The following CALD1 variants were observed in gnomAD, a reference collection of about 807,000 sequenced individuals.
CALD1 encodes caldesmon 1.
A neutral mutation model predicts 99.9 loss-of-function variants in CALD1; 33 were observed. The observed-to-expected ratio is 0.33, with a 90% confidence interval of 0.25 to 0.44. The LOEUF is 0.44. Among genes scored for constraint, CALD1 ranks in the 20% least tolerant of loss-of-function variants. The pLI, the probability that CALD1 is intolerant of heterozygous loss-of-function variation, is 1.00. For missense variants in CALD1, 861 were observed against 962.1 expected, an observed-to-expected ratio of 0.89 and a Z score of 1.39; for synonymous variants, 310 against 325.0, an observed-to-expected ratio of 0.95 and a Z score of 0.50.
chr7:134,775,653 G>A (rs113029616), upstream of CALD1, among the ~76,000 whole-genome samples: 5,775 of 151,664 alleles, frequency 0.038, 341 homozygotes, highest in African/African-American at 0.12. Context: ...GGAGCTTGCA[G>A]TGAGCTGAGA....
intron 3 of CALD1, among the ~76,000 whole-genome samples, chr7:134,916,895 G>A (rs1184483924): frequency 1.3e-5 from 2 of 152,192 alleles, no homozygotes; most frequent in Non-Finnish European, 2.9e-5. Context: ...TCTAAAAGGA[G>A]TTCATATTTT....
At chr7:134,879,576 A>T (rs1801502302) in intron 3 of CALD1, among the ~76,000 whole-genome samples, 1 of 152,336 alleles carries the variant, frequency 6.6e-6, no homozygotes, top group African/African-American at 2.4e-5. Flanking sequence ...ACTTTTTTTT[A>T]AACCTTTTAA....
intron 2 of CALD1, among the ~76,000 whole-genome samples, chr7:134,844,679 G>T: frequency 6.6e-6 from 1 of 152,192 alleles, no homozygotes; most frequent in East Asian, 1.9e-4. Context: ...AAACAACAGA[G>T]ATTTCTTTTC....
At chr7:134,946,222 G>T (rs1463964011) in intron 7 of CALD1, among the ~76,000 whole-genome samples, 1 of 151,938 alleles carries the variant, frequency 6.6e-6, no homozygotes, top group Non-Finnish European at 1.5e-5. Context: ...ATATCATACT[G>T]ATATAATACA....
At chr7:134,938,998 G>A (rs1482558483) in intron 6 of CALD1, among the ~76,000 whole-genome samples, 1 of 152,208 alleles carries the variant, frequency 6.6e-6, no homozygotes, top group East Asian at 1.9e-4. Flanking sequence ...CAGACCGTGA[G>A]CTCCTACTCG....
At chr7:134,873,383 C>T in intron 3 of CALD1, among the ~76,000 whole-genome samples, 1 of 152,272 alleles carries the variant, frequency 6.6e-6, no homozygotes, top group East Asian at 1.9e-4. Context: ...TGTCTCTTCC[C>T]ATCTGCACTC....
chr7:134,788,026 C>T (rs528887754), intron 1 of CALD1, among the ~76,000 whole-genome samples: 2 of 152,282 alleles, frequency 1.3e-5, no homozygotes, highest in South Asian at 2.1e-4. Flanking sequence ...ACACTGTCCC[C>T]ACTTTCTCTG....
At position 134,953,935 on chromosome 7, in the gene CALD1, G is replaced by T. The variant is rs1807572200; in HGVS notation, c.1935+3421G>T. 2.0e-5 allele frequency among the ~76,000 whole-genome samples: 3 copies of T among 152,264 alleles called. No homozygotes were observed. The South Asian group carries it at 6.2e-4, about 32-fold the overall frequency. On this transcript the variant is annotated intron_variant, in intron 9 of 14. Transcript: ENST00000361675. Reference sequence around the variant, plus strand: ...AGAGACACATATTCAGGGGCAGACAGTCTATGCTTCCCTCCATGTATGTGC... The same window carrying T: ...AGAGACACATATTCAGGGGCAGACATTCTATGCTTCCCTCCATGTATGTGC...
chr7:134,714,793 G>A, the CALD1 span, among the ~76,000 whole-genome samples: 1 of 152,156 alleles, frequency 6.6e-6, no homozygotes, highest in Admixed American at 6.5e-5. Context: ...GGTGGAAAGG[G>A]GTGATAACTT....
In CALD1 at chr7:134,806,309, C is replaced by CAT. The variant is rs551682109; in HGVS notation, c.-130+26560_-130+26561insAT. Among the ~76,000 whole-genome samples, 561 of 152,290 alleles carry CAT rather than the reference C, an allele frequency of 3.7e-3. 1 individual carries two copies. The highest frequency in any genetic ancestry group is 0.014 in the Middle Eastern group (4 of 294). Reference sequence around the variant, plus strand: ...CCCACAAAAAGGGGTTTTTCTCCCCCCAGCCCACGGTTTAGCTTCCTCATT... The same window carrying CAT: ...CCCACAAAAAGGGGTTTTTCTCCCCCATCAGCCCACGGTTTAGCTTCCTCATT... On this transcript the variant is annotated intron_variant, in intron 1 of 14. Coordinates refer to ENST00000361675, the MANE Select transcript of CALD1 (RefSeq NM_033138.4).
At chr7:134,966,131 C>A (rs535693466) in intron 14 of CALD1, among the ~76,000 whole-genome samples, 33 of 152,224 alleles carry the variant, frequency 2.2e-4, no homozygotes, top group African/African-American at 7.9e-4. Context: ...TGGAGACCAA[C>A]AATAAGCAAG....
intron 3 of CALD1, among the ~76,000 whole-genome samples, chr7:134,922,617 G>A (rs1414207205): frequency 6.6e-6 from 1 of 152,154 alleles, no homozygotes; most frequent in Non-Finnish European, 1.5e-5. Context: ...GGGACACTGG[G>A]GCAAGAGGAA....
At chr7:134,776,231 T>G (rs1037238517), upstream of CALD1, among the ~76,000 whole-genome samples, 3 of 152,142 alleles carry the variant, frequency 2.0e-5, no homozygotes, top group Non-Finnish European at 4.4e-5. Context: ...GCTCTTAACA[T>G]TTTATCATTA....
intron 3 of CALD1, among the ~76,000 whole-genome samples, chr7:134,885,125 G>T (rs1209962908): frequency 6.6e-6 from 1 of 151,960 alleles, no homozygotes; most frequent in Non-Finnish European, 1.5e-5. Context: ...CAGAGACGGG[G>T]TTTCACTATG....
the CALD1 span, among the ~76,000 whole-genome samples, chr7:134,720,254 G>A: frequency 2.7e-3 from 406 of 151,288 alleles, 1 homozygote; most frequent in Non-Finnish European, 3.4e-3. Context: ...CTTCTTCAAG[G>A]AGCTGGGAAA....
At chr7:134,725,810 G>A in the CALD1 span, among the ~76,000 whole-genome samples, 2 of 152,288 alleles carry the variant, frequency 1.3e-5, no homozygotes, top group Admixed American at 6.5e-5. Context: ...TCATAAGAGT[G>A]AGGCAGGAGG....
intron 1 of CALD1, among the ~76,000 whole-genome samples, chr7:134,829,269 G>A (rs1206008897): frequency 6.6e-6 from 1 of 152,210 alleles, no homozygotes; most frequent in Non-Finnish European, 1.5e-5. Context: ...AGAGAATGAC[G>A]TGGAAGTAAC....
chr7:134,807,593 G>A (rs1471827477), intron 1 of CALD1, among the ~76,000 whole-genome samples: 1 of 152,140 alleles, frequency 6.6e-6, no homozygotes, highest in African/African-American at 2.4e-5. Flanking sequence ...CATGAAGAGG[G>A]TGGAGGAAGA....
At chr7:134,958,783 A>C (rs1344140964) in intron 11 of CALD1, among the ~76,000 whole-genome samples, 4 of 151,130 alleles carry the variant, frequency 2.6e-5, no homozygotes, top group African/African-American at 9.7e-5. Flanking sequence ...AAATTTTAGG[A>C]GAGTTTTAAA....
Sources: gnomAD v4.1 joint callset for allele counts (sites outside exome capture counted in the v4.1 genomes callset) on GRCh38, gnomAD v4.1.1 for gene constraint, MANE v1.5 for transcripts, NCBI Gene and HGNC (gene_info 2026-07-23, HGNC 2026-07-21) for gene names.